The following ATP4A variants were observed in gnomAD, a reference collection of about 807,000 sequenced individuals.
ATP4A encodes ATPase H+/K+ transporting subunit alpha, also known as potassium-transporting ATPase alpha chain 1.
A neutral mutation model predicts 112.1 loss-of-function variants in ATP4A; 73 were observed. The observed-to-expected ratio is 0.65, with a 90% CI of 0.54 to 0.79. The LOEUF is 0.79. Among genes scored for constraint, ATP4A ranks in the 30% least tolerant of loss-of-function variants. ATP4A has a pLI of 0.00. For synonymous variants in ATP4A, 588 were observed against 588.9 expected, an observed-to-expected ratio of 1.00 and a Z score of 0.02; for missense variants, 1,081 against 1,425.9, an observed-to-expected ratio of 0.76 and a Z score of 3.90.
chr19:35,555,690 G>C lies in ATP4A; in HGVS notation c.1992C>G (p.Asp664Glu). 3 of 1,607,996 alleles carry C rather than the reference G, an allele frequency of 1.9e-6. No individual in the cohort carries two copies. Among genetic ancestry groups the C allele is most frequent in the Non-Finnish European group, 2.6e-6 (3 of 1,174,942 alleles). The change falls in exon 13 of 22, where the codon GAC becomes GAG. Residue 664 changes from aspartate (D) to glutamate (E), a missense_variant. Asp to Glu is a conservative substitution (Grantham distance 45, BLOSUM62 2). This residue lies in a region of ATP4A where 850 missense variants were observed against 1,068.2 expected (regional missense o/e 0.80). Coordinates refer to ENST00000262623, the MANE Select transcript of ATP4A (RefSeq NM_000704.3). The surrounding 1 kb of genome is among the most constrained non-coding windows in gnomAD (Gnocchi z 6.6). ...DIAARLRVPV[D>E]QVNRKDARAC... The stretch of plus-strand genomic sequence containing the variant: ...GGGGGGCTTACTTGCGATTAACCTG[G>C]TCTACGGGCACACGGAGGCGGGCAG...
rs779276202 is a variant in ATP4A at position 35,558,351 on chromosome 19, C to T, written c.1500+11G>A. The T allele has an allele frequency of 6.2e-6, 10 of 1,605,546 alleles. No homozygotes were observed. The East Asian group carries it at 1.6e-4, about 25-fold the overall frequency. ...GGCGGGCCCAGGCCGTGGGCGGGGCCGGCTGCGCACCTGGAACTTGTTGGT... is the reference window on the plus strand; with the variant it reads ...GGCGGGCCCAGGCCGTGGGCGGGGCTGGCTGCGCACCTGGAACTTGTTGGT... On this transcript the variant is annotated intron_variant, in intron 10 of 21. Transcript: ENST00000262623. The surrounding 1 kb of genome is among the most constrained non-coding windows in gnomAD (Gnocchi z 5.1).
chr19:35,554,285 G>A (rs949641563), intron 16 of ATP4A, among the ~76,000 whole-genome samples: 6 of 151,926 alleles, frequency 3.9e-5, no homozygotes, highest in East Asian at 1.9e-4. Context: ...GACTGCTCAA[G>A]CTCAAGTCAC....
intron 4 of ATP4A, among the ~76,000 whole-genome samples, chr19:35,562,102 C>T (rs901785819): frequency 1.1e-4 from 17 of 151,936 alleles, no homozygotes; most frequent in Non-Finnish European, 1.5e-4. Context: ...GTGATCTGCC[C>T]GCCTCGGCCT....
chr19:35,552,054 C>CT lies in ATP4A; in HGVS notation c.2752-475dup, dbSNP rs913428519. ...GCAGCCCATTTCTTCAACACAGCTA[C>CT]TTTTTTTTTTGAGATGGAATCTCGC... is the stretch of plus-strand genomic sequence containing the variant. On this transcript the variant is annotated intron_variant, in intron 18 of 21. Transcript: ENST00000262623. 1.9e-4 allele frequency among the ~76,000 whole-genome samples: 29 copies of CT among 150,204 alleles called. 1 individual carries two copies. The highest frequency in any genetic ancestry group is 4.6e-4 in the African/African-American group (19 of 41,022).
chr19:35,553,788 G>A lies in ATP4A; in HGVS notation c.2523C>T (p.Asp841=), dbSNP rs778305782. ...GGTTGCGTGGACGCAGGTGCATGAT[G>A]TCACTCTCGGCCTTTTCATATGCCA... is the stretch of plus-strand genomic sequence containing the variant. The part of the protein sequence containing the change: ...VSLAYEKAES[D]IMHLRPRNPK... The change falls in exon 17 of 22, where the codon GAC becomes GAT. Residue 841 remains aspartate (D), a synonymous_variant. Transcript: ENST00000262623. The A allele has an allele frequency of 1.2e-6, 2 of 1,603,566 alleles. No homozygotes were observed. Among genetic ancestry groups the A allele is most frequent in the South Asian group, 2.2e-5 (2 of 89,454 alleles).
chr19:35,559,942 C>G lies in ATP4A; in HGVS notation c.919G>C (p.Ala307Pro). ...GCACCGAAGAGAATGGCCAGGCCCG[C>G]GATGATGTCCACAAAATGCTCGATC... Reference protein sequence around the residue: ...IEIEHFVDIIAGLAILFGATF... With the variant: ...IEIEHFVDIIPGLAILFGATF... Residue 307 changes from alanine (A) to proline (P), a missense_variant, in exon 7 of 22, where the codon GCG (alanine) becomes CCG (proline). Around this residue, in one of 3 missense-constraint regions of ATP4A, gnomAD observed 850 missense variants for 1,068.2 expected, o/e 0.80. Transcript: ENST00000262623. The surrounding 1 kb of genome is among the most constrained non-coding windows in gnomAD (Gnocchi z 4.1). 6.2e-7 allele frequency: 1 copy of G among 1,614,232 alleles called. No individual in the cohort carries two copies. Among genetic ancestry groups the G allele is most frequent in the Non-Finnish European group, 8.5e-7 (1 of 1,180,050 alleles).
rs865964355 is a variant in ATP4A, at chr19:35,555,500, C to T, written c.2097G>A (p.Met699Ile). ...LVEALRTHPE[M>I]VFARTSPQQK... ...GCTGGGGGCTGGTGCGCGCAAACAC[C>T]ATCTCGGGGTGGGTGCGCAGGGCCT... The change falls in exon 14 of 22, where the codon ATG becomes ATA. Residue 699 changes from methionine to isoleucine, a missense_variant. Coordinates refer to ENST00000262623, the MANE Select transcript of ATP4A (RefSeq NM_000704.3). The surrounding 1 kb of genome is among the most constrained non-coding windows in gnomAD (Gnocchi z 6.6). 1.2e-6 allele frequency: 2 copies of T among 1,608,836 alleles called. No homozygotes were observed. The highest frequency in any genetic ancestry group is 2.2e-5 in the South Asian group (2 of 90,358).
rs2071677548 is a variant in ATP4A, at chr19:35,562,565, G to A, written c.290C>T (p.Thr97Ile). 1 of 1,612,352 alleles carries A rather than the reference G, an allele frequency of 6.2e-7. No homozygotes were observed. The highest frequency in any genetic ancestry group is 1.7e-5 in the Admixed American group (1 of 59,806). ...CCTCGCGAACTTGACGTACTCTGGG[G>A]TGCCCCGTGGTGGCCGCAGTGCGTT... ...GPNALRPPRGTPEYVKFARQL... is the reference protein window; with the variant it reads ...GPNALRPPRGIPEYVKFARQL... The change falls in exon 4 of 22, where the codon ACC (threonine) becomes ATC (isoleucine). Residue 97 changes from threonine to isoleucine, a missense_variant. Around this residue, in one of 3 missense-constraint regions of ATP4A, gnomAD observed 850 missense variants for 1,068.2 expected, o/e 0.80. Coordinates refer to ENST00000262623, the MANE Select transcript of ATP4A (RefSeq NM_000704.3).
chr19:35,551,040 A>T lies in ATP4A; in HGVS notation c.2957T>A (p.Met986Lys). Residue 986 changes from methionine (M) to lysine (K), a missense_variant, in exon 20 of 22, where the codon ATG becomes AAG. Physicochemically the swap from Met to Lys is moderately conservative, Grantham distance 95. Around this residue, in one of 3 missense-constraint regions of ATP4A, gnomAD observed 219 missense variants for 320.9 expected, o/e 0.68. Coordinates refer to ENST00000262623, the MANE Select transcript of ATP4A (RefSeq NM_000704.3). The surrounding 1 kb of genome is among the most constrained non-coding windows in gnomAD (Gnocchi z 5.2). ...IGCFLCYCPG[M>K]PNIFNFMPIR... ...GGGCATGAAGTTGAAGATGTTGGGC[A>T]TGCCGGGGCAGTAGCACAGGAAGCA... 6.2e-7 allele frequency: 1 copy of T among 1,614,022 alleles called. No individual in the cohort carries two copies. Among genetic ancestry groups the T allele is most frequent in the Non-Finnish European group, 8.5e-7 (1 of 1,179,926 alleles).
In ATP4A at chr19:35,557,628, G is replaced by C. The variant is rs916293412; in HGVS notation, c.1693+27C>G. ...GTGCTAGCTCCTCCTCGCACCTGGA[G>C]TCTCCTCCCCTGCCCAGGGGTCTCA... On this transcript the variant is annotated intron_variant, in intron 11 of 21. Coordinates refer to ENST00000262623, the MANE Select transcript of ATP4A (RefSeq NM_000704.3). This position sits in a 1 kb window ranked among gnomAD's most constrained non-coding sequence, Gnocchi z 4.4. 1.3e-6 allele frequency: 2 copies of C among 1,585,678 alleles called. No individual in the cohort carries two copies. The highest frequency in any genetic ancestry group is 8.6e-7 in the Non-Finnish European group (1 of 1,165,940).
chr19:35,560,015 T>C lies in ATP4A; in HGVS notation c.846A>G (p.Ala282=). ...TGDRTIIGRI[A]SLASGVENEK... is the part of the protein sequence containing the mutation. ...CGTTTTCCACCCCCGACGCCAGCGA[T>C]GCGATGCGCCCAATGATGGTGCGGT... The change falls in exon 7 of 22, where the codon GCA becomes GCG. Residue 282 remains alanine (A), a synonymous_variant. Transcript: ENST00000262623. The surrounding 1 kb of genome is among the most constrained non-coding windows in gnomAD (Gnocchi z 5.1). 1.2e-6 allele frequency: 2 copies of C among 1,614,224 alleles called. No individual in the cohort carries two copies. The highest frequency in any genetic ancestry group is 1.7e-6 in the Non-Finnish European group (2 of 1,180,030).
chr19:35,560,632 C>T lies in ATP4A; in HGVS notation c.535-17G>A, dbSNP rs200906051. ...AGTGGCTTGCTGCGGGGCAGGGGCA[C>T]CAAAGTTGAGGTGGACGGGGGTGGG... On this transcript the variant is annotated splice_polypyrimidine_tract_variant and intron_variant, in intron 5 of 21. Coordinates refer to ENST00000262623, the MANE Select transcript of ATP4A (RefSeq NM_000704.3). This position sits in a 1 kb window ranked among gnomAD's most constrained non-coding sequence, Gnocchi z 5.1. 9.9e-5 allele frequency: 159 copies of T among 1,601,366 alleles called. 1 individual carries two copies. The East Asian group carries it at 3.1e-3, about 31-fold the overall frequency.
rs762131340 is a variant in ATP4A, at chr19:35,555,428, A to G, written c.2157+12T>C. ...GTCTGCCCGCCTGCCCACCCTCATC[A>G]GCAGGGCTCACCAGCCGCTGGCAGC... is the stretch of plus-strand genomic sequence containing the variant. On this transcript the variant is annotated intron_variant, in intron 14 of 21. Coordinates refer to ENST00000262623, the MANE Select transcript of ATP4A (RefSeq NM_000704.3). The surrounding 1 kb of genome is among the most constrained non-coding windows in gnomAD (Gnocchi z 6.6). 1.2e-6 allele frequency: 2 copies of G among 1,610,512 alleles called. No individual in the cohort carries two copies. The highest frequency in any genetic ancestry group is 1.1e-5 in the South Asian group (1 of 90,644).
intron 12 of ATP4A, 52 bp downstream of exon 12, chr19:35,556,861 C>T (rs1165406381): frequency 2.6e-5 from 41 of 1,578,476 alleles, no homozygotes; most frequent in Non-Finnish European, 3.4e-5. Context: ...AACCCAAATC[C>T]TGCTGCCATC....
rs2146305045 is a variant in ATP4A, at chr19:35,550,556, A to G, written c.*59T>C. On this transcript the variant is annotated 3_prime_UTR_variant, in exon 22 of 22. Transcript: ENST00000262623. This position sits in a 1 kb window ranked among gnomAD's most constrained non-coding sequence, Gnocchi z 4.1. ...TCTTGGTGGCTGTCCAGAGGGTCCC[A>G]CGAGCCCTGCCCCCACCTGCTGTGG... 1 of 1,605,532 alleles carries G rather than the reference A, an allele frequency of 6.2e-7. No individual in the cohort carries two copies.
At position 35,563,213 on chromosome 19, in the gene ATP4A, G is replaced by A. The variant is rs370320042; in HGVS notation, c.212C>T (p.Thr71Ile). Reference protein sequence around the residue: ...ELEQKYQTSATKGLSASLAAE... With the variant: ...ELEQKYQTSAIKGLSASLAAE... ...CGCTCCCAGTCTCCAGCTCACCTTGGTGGCACTGGTCTGGTATTTCTGTTC... is the reference window on the plus strand; with the variant it reads ...CGCTCCCAGTCTCCAGCTCACCTTGATGGCACTGGTCTGGTATTTCTGTTC... The change falls in exon 3 of 22, where the codon ACC becomes ATC. Residue 71 changes from threonine (T) to isoleucine (I), a missense_variant. Physicochemically the swap from Thr to Ile is moderately conservative, Grantham distance 89. This residue lies in a region of ATP4A where 850 missense variants were observed against 1,068.2 expected (regional missense o/e 0.80). Transcript: ENST00000262623. 5 of 1,613,400 alleles carry A rather than the reference G, an allele frequency of 3.1e-6. No individual in the cohort carries two copies. The African/African-American group carries it at 4.0e-5, about 13-fold the overall frequency.
In ATP4A at chr19:35,559,964, G is replaced by A. The variant is rs147230647; in HGVS notation, c.897C>T (p.Ile299=). 144 of 1,614,234 alleles carry A rather than the reference G, an allele frequency of 8.9e-5. No individual in the cohort carries two copies. The highest frequency in any genetic ancestry group is 6.6e-4 in the Middle Eastern group (4 of 6,062). The change falls in exon 7 of 22, where the codon ATC becomes ATT. Residue 299 remains isoleucine, a synonymous_variant. Coordinates refer to ENST00000262623, the MANE Select transcript of ATP4A (RefSeq NM_000704.3). This position sits in a 1 kb window ranked among gnomAD's most constrained non-coding sequence, Gnocchi z 4.1. ...ENEKTPIAIE[I]EHFVDIIAGL... ...CCGCGATGATGTCCACAAAATGCTC[G>A]ATCTCGATAGCGATGGGTGTCTTCT...
chr19:35,558,965 T>G lies in ATP4A; in HGVS notation c.1255+28A>C. 6.2e-7 allele frequency: 1 copy of G among 1,613,104 alleles called. No individual in the cohort carries two copies. Among genetic ancestry groups the G allele is most frequent in the South Asian group, 1.1e-5 (1 of 91,032 alleles). ...CTCCACCATCCACCAGATCCTGCCC[T>G]GGCGCCTGTGCCCTCCCTCCCCCAC... On this transcript the variant is annotated intron_variant, in intron 8 of 21. Transcript: ENST00000262623. The surrounding 1 kb of genome is among the most constrained non-coding windows in gnomAD (Gnocchi z 5.1).
At position 35,562,038 on chromosome 19, in the gene ATP4A, T is replaced by C. The variant is rs1048802622; in HGVS notation, c.420+397A>G. On this transcript the variant is annotated intron_variant, in intron 4 of 21. Transcript: ENST00000262623. ...GTCTGGCTAATTTTTGTAATTTTAG[T>C]AGAGATGGGGTTTTGCCATGTTGGC... is the stretch of plus-strand genomic sequence containing the variant. Among the ~76,000 whole-genome samples, 5 of 152,060 alleles carry C rather than the reference T, an allele frequency of 3.3e-5. No individual in the cohort carries two copies. In the East Asian group the frequency reaches 5.8e-4, roughly 18 times the overall value.
Sources: gnomAD v4.1 joint callset for allele counts (sites outside exome capture counted in the v4.1 genomes callset) on GRCh38, gnomAD v4.1.1 for gene constraint, gnomAD v4.1.1 regional missense constraint, Gnocchi (gnomAD v3.1) non-coding constraint, MANE v1.5 for transcripts, NCBI Gene and HGNC (gene_info 2026-07-23, HGNC 2026-07-21) for gene names.